The following NT5DC1 variants were observed in gnomAD, a reference collection of about 807,000 sequenced individuals.
NT5DC1 encodes 5'-nucleotidase domain containing 1, also known as 5'-nucleotidase domain-containing protein 1.
Under a neutral mutation model 59.4 loss-of-function variants are expected in NT5DC1, and 42 were observed. The observed-to-expected ratio is 0.71, with a 90% CI of 0.55 to 0.92. The LOEUF is 0.92. Among genes scored for constraint, NT5DC1 ranks in the 40% least tolerant of loss-of-function variants. The probability of loss-of-function intolerance (pLI) is 0.00; values close to 1 mark genes in which losing one functional copy is unlikely to be tolerated. For synonymous variants in NT5DC1, 172 were observed against 188.1 expected (o/e 0.91, Z 0.70); for missense variants, 501 against 537.1 (o/e 0.93, Z 0.66).
At chr6:116,229,694 G>C (rs1368529013) in intron 8 of NT5DC1, among the ~76,000 whole-genome samples, 1 of 152,170 alleles carries the variant, frequency 6.6e-6, no homozygotes, top group African/African-American at 2.4e-5. Flanking sequence ...GAGAGGGAAC[G>C]TGTCAGCCTT....
chr6:116,207,301 GAGTCT>G (rs66774111), intron 6 of NT5DC1, among the ~76,000 whole-genome samples: 47,306 of 151,528 alleles, frequency 0.31, 8,721 homozygotes, highest in African/African-American at 0.51. Context: ...AAGATCAATA[GAGTCT>G]ATAGCTATAG....
chr6:116,144,165 A>G (rs1779834662), intron 6 of NT5DC1, among the ~76,000 whole-genome samples: 1 of 152,164 alleles, frequency 6.6e-6, no homozygotes. Context: ...AATCCTTTTT[A>G]TAACAGACAG....
chr6:116,216,060 A>G (rs2114533916), intron 6 of NT5DC1, among the ~76,000 whole-genome samples: 1 of 152,282 alleles, frequency 6.6e-6, no homozygotes, highest in Non-Finnish European at 1.5e-5. Flanking sequence ...ATCATTCTGT[A>G]TTCACAATAC....
At chr6:116,237,518 A>G (rs1239673212) in intron 9 of NT5DC1, 2 of 457,380 alleles carry the variant, frequency 4.4e-6, no homozygotes, top group Admixed American at 2.3e-5. Context: ...GCCCTGCTCC[A>G]TTGGCTGTCA....
chr6:116,111,055 G>A, intron 4 of NT5DC1, 99 bp downstream of exon 4: 1 of 780,000 alleles, frequency 1.3e-6, no homozygotes, highest in Non-Finnish European at 2.1e-6. Context: ...TTCCCCTGCT[G>A]GGCAGGATGC....
intron 8 of NT5DC1, among the ~76,000 whole-genome samples, chr6:116,223,357 T>G (rs1204078522): frequency 6.6e-6 from 1 of 152,244 alleles, no homozygotes; most frequent in Admixed American, 6.5e-5. Flanking sequence ...GAACTTCACC[T>G]TAGTTTTTAG....
intron 6 of NT5DC1, among the ~76,000 whole-genome samples, chr6:116,176,743 A>T (rs1780743011): frequency 6.6e-6 from 1 of 152,040 alleles, no homozygotes; most frequent in Admixed American, 6.6e-5. Flanking sequence ...TTTCATTAGC[A>T]TGAAGAGTCT....
At chr6:116,180,656 A>G (rs1461513316) in intron 6 of NT5DC1, among the ~76,000 whole-genome samples, 2 of 152,094 alleles carry the variant, frequency 1.3e-5, no homozygotes, top group African/African-American at 4.8e-5. Flanking sequence ...ATTGTATTAA[A>G]CCTCTGTAAT....
chr6:116,108,901 G>T (rs1244015963), intron 3 of NT5DC1, among the ~76,000 whole-genome samples: 1 of 152,146 alleles, frequency 6.6e-6, no homozygotes, highest in East Asian at 1.9e-4. Context: ...GGATCATGTT[G>T]TGTCCTAGCT....
Position 116,100,874 on chromosome 6 carries a change from A to T in NT5DC1, c.-57A>T. 1 of 1,366,806 alleles carries T rather than the reference A, an allele frequency of 7.3e-7. No individual in the cohort carries two copies. The highest frequency in any genetic ancestry group is 1.3e-5 in the South Asian group (1 of 79,680). 84.7% of individuals were successfully genotyped at this position (1,366,806 alleles called of 1,614,324 possible). A position where few individuals can be genotyped will look rare whatever the true frequency, so the allele number is the denominator to read the frequency against. On this transcript the variant is annotated 5_prime_UTR_variant, in exon 1 of 12. Coordinates refer to ENST00000319550, the MANE Select transcript of NT5DC1 (RefSeq NM_152729.3). ...CGGTCCTGTCCCGCAGCGTCCCGCC[A>T]GCCAGCTCCTTGCACCCTTCGCGGC...
rs1435082673 is a variant in NT5DC1 at position 116,244,618 on chromosome 6, A to AACC, written c.*596_*598dup. 6.6e-6 allele frequency: 1 copy of AACC among 152,226 alleles called. No individual in the cohort carries two copies. Among genetic ancestry groups the AACC allele is most frequent in the Non-Finnish European group, 1.5e-5 (1 of 68,042 alleles). 9.4% of individuals were successfully genotyped at this position (152,226 alleles called of 1,614,324 possible). On this transcript the variant is annotated 3_prime_UTR_variant, in exon 12 of 12. Coordinates refer to ENST00000319550, the MANE Select transcript of NT5DC1 (RefSeq NM_152729.3). ...CTAGGAAAGTACAACCAGAATTGAAAACCAACTGATCTATACCAGTTCTTT... is the reference window on the plus strand; with the variant it reads ...CTAGGAAAGTACAACCAGAATTGAAAACCACCAACTGATCTATACCAGTTCTTT...
At chr6:116,125,286 A>G in intron 6 of NT5DC1, 2 of 1,586,702 alleles carry the variant, frequency 1.3e-6, no homozygotes, top group Non-Finnish European at 1.7e-6. Context: ...TATTAAGATT[A>G]TAGAAAGCAA....
intron 6 of NT5DC1, among the ~76,000 whole-genome samples, chr6:116,181,955 T>G (rs891922286): frequency 3.3e-5 from 5 of 152,066 alleles, no homozygotes; most frequent in Non-Finnish European, 7.4e-5. Flanking sequence ...TTTCTGAGAT[T>G]TTGGTGCACC....
intron 6 of NT5DC1, among the ~76,000 whole-genome samples, chr6:116,138,883 G>T (rs868566853): frequency 1.3e-5 from 2 of 152,002 alleles, no homozygotes; most frequent in Non-Finnish European, 2.9e-5. Context: ...TCTTGCTTTT[G>T]GTTTGATTTC....
intron 8 of NT5DC1, among the ~76,000 whole-genome samples, chr6:116,235,409 T>A (rs1782097109): frequency 6.6e-6 from 1 of 152,220 alleles, no homozygotes; most frequent in Non-Finnish European, 1.5e-5. Flanking sequence ...TAGTGGGATT[T>A]TCATTTGATT....
rs532227486 is a variant in NT5DC1 at position 116,116,860 on chromosome 6, T to G, written c.445-1001T>G. On this transcript the variant is annotated intron_variant, in intron 5 of 11. Transcript: ENST00000319550. Reference sequence around the variant, plus strand: ...TTTAAATATTTTGGAGTTTGTATAATTAGATATAAATATCTAGTAGTCTGT... The same window carrying G: ...TTTAAATATTTTGGAGTTTGTATAAGTAGATATAAATATCTAGTAGTCTGT... Among the ~76,000 whole-genome samples the G allele has an allele frequency of 2.7e-4, 41 of 152,248 alleles. No individual in the cohort carries two copies. In the South Asian group the frequency reaches 8.3e-3, roughly 31 times the overall value.
At chr6:116,103,300 C>G (rs1391388847) in intron 1 of NT5DC1, among the ~76,000 whole-genome samples, 3 of 151,794 alleles carry the variant, frequency 2.0e-5, no homozygotes, top group Non-Finnish European at 4.4e-5. Context: ...TTACAACGTC[C>G]CTGTGAGGTA....
rs1029854133 is a variant in NT5DC1, at chr6:116,248,059, A to G, written c.*4035A>G. 1.3e-5 allele frequency: 2 copies of G among 152,234 alleles called. No individual in the cohort carries two copies. The highest frequency in any genetic ancestry group is 1.3e-4 in the Admixed American group (2 of 15,286). The allele number at this position is 152,234 out of a possible 1,614,324, so 9.4% of individuals were successfully genotyped here. A position where few individuals can be genotyped will look rare whatever the true frequency, so the allele number is the denominator to read the frequency against. On this transcript the variant is annotated 3_prime_UTR_variant, in exon 12 of 12. Coordinates refer to ENST00000319550, the MANE Select transcript of NT5DC1 (RefSeq NM_152729.3). ...ATAAAATGTACCCTTCTCAAAGGCT[A>G]TTCATGAATAAGCATAACCTTCAAC...
chr6:116,153,211 A>G (rs994267748), intron 6 of NT5DC1, among the ~76,000 whole-genome samples: 2 of 152,088 alleles, frequency 1.3e-5, no homozygotes, highest in Admixed American at 6.5e-5. Context: ...ATTTTTTTAA[A>G]TCATAAAACT....
Sources: gnomAD v4.1 joint callset for allele counts (sites outside exome capture counted in the v4.1 genomes callset) on GRCh38, gnomAD v4.1.1 for gene constraint, MANE v1.5 for transcripts, NCBI Gene and HGNC (gene_info 2026-07-23, HGNC 2026-07-21) for gene names.